Variants in MARCHF3 observed in about 807,000 individuals in gnomAD.
MARCHF3 encodes the protein E3 ubiquitin-protein ligase MARCHF3.
MARCHF3 carries 13 observed loss-of-function variants against 24.2 expected under a neutral mutation model. That is an observed-to-expected ratio of 0.54 (90% CI 0.35 to 0.85). The LOEUF (loss-of-function observed/expected upper bound fraction) is 0.85. Ranked by LOEUF, MARCHF3 falls within the 40% of genes least tolerant of loss-of-function variation. The probability of loss-of-function intolerance (pLI) is 0.01; values close to 1 mark genes in which losing one functional copy is unlikely to be tolerated. For missense variants in MARCHF3, 276 were observed against 325.0 expected, an observed-to-expected ratio of 0.85 and a Z score of 1.16; for synonymous variants, 144 against 137.3, an observed-to-expected ratio of 1.05 and a Z score of -0.34.
At chr5:126,927,878 C>A (rs1749347718) in intron 1 of MARCHF3, among the ~76,000 whole-genome samples, 1 of 151,956 alleles carries the variant, frequency 6.6e-6, no homozygotes, top group South Asian at 2.1e-4. Flanking sequence ...TTGATAGAAA[C>A]AAAAACAACT....
chr5:126,915,116 C>G lies in MARCHF3; in HGVS notation c.207G>C (p.Pro69=), dbSNP rs139927140. Residue 69 remains proline, a synonymous_variant, in exon 3 of 5, where the codon CCG becomes CCC. Transcript: ENST00000308660. ...LATQSPFNDR[P]MCRICHEGSS... is the part of the protein sequence containing the mutation. The stretch of plus-strand genomic sequence containing the variant: ...TGCCCTCGTGGCAGATCCTGCACAT[C>G]GGCCGGTCATTGAAGGGGCTGCAAG... The G allele has an allele frequency of 1.3e-5, 21 of 1,613,882 alleles. No homozygotes were observed. In the African/African-American group the frequency reaches 2.1e-4, roughly 16 times the overall value.
intron 1 of MARCHF3, among the ~76,000 whole-genome samples, chr5:126,918,990 G>A (rs1411860582): frequency 6.6e-6 from 1 of 152,180 alleles, no homozygotes; most frequent in Non-Finnish European, 1.5e-5. Context: ...TACCTAAAAT[G>A]CAGATGTATA....
intron 1 of MARCHF3, among the ~76,000 whole-genome samples, chr5:126,974,641 TC>T (rs1751134559): frequency 4.6e-5 from 7 of 152,244 alleles, no homozygotes; most frequent in Admixed American, 4.6e-4. Context: ...GCACTGTTTG[TC>T]AGATGAACTC....
intron 1 of MARCHF3, among the ~76,000 whole-genome samples, chr5:126,998,650 A>C (rs139283957): frequency 1.6e-4 from 24 of 152,322 alleles, no homozygotes; most frequent in African/African-American, 5.5e-4. Flanking sequence ...GGTAAGAAGG[A>C]GGCCACCTCA....
At chr5:126,974,840 T>A (rs1751141794) in intron 1 of MARCHF3, among the ~76,000 whole-genome samples, 1 of 152,268 alleles carries the variant, frequency 6.6e-6, no homozygotes, top group Non-Finnish European at 1.5e-5. Flanking sequence ...ATTAATTTTA[T>A]CTGTGACTTA....
intron 1 of MARCHF3, among the ~76,000 whole-genome samples, chr5:126,926,425 A>G (rs1046298856): frequency 6.6e-6 from 1 of 152,158 alleles, no homozygotes. Flanking sequence ...TACACACAAG[A>G]TAAGCAAGGT....
chr5:126,920,649 G>T (rs1272173288), intron 1 of MARCHF3, among the ~76,000 whole-genome samples: 1 of 152,090 alleles, frequency 6.6e-6, no homozygotes, highest in East Asian at 1.9e-4. Context: ...TAAATAATGG[G>T]ACCCAGGGCT....
chr5:126,953,163 G>A (rs1561444208), intron 1 of MARCHF3, among the ~76,000 whole-genome samples: 1 of 152,070 alleles, frequency 6.6e-6, no homozygotes, highest in Non-Finnish European at 1.5e-5. Flanking sequence ...TTTCCAGGCA[G>A]TTCTAATTGC....
chr5:126,878,911 T>C (rs1753260529), intron 3 of MARCHF3, among the ~76,000 whole-genome samples: 1 of 152,218 alleles, frequency 6.6e-6, no homozygotes, highest in African/African-American at 2.4e-5. Context: ...TAAGAGTATT[T>C]TGCATGCCAG....
intron 1 of MARCHF3, among the ~76,000 whole-genome samples, chr5:127,020,258 A>G (rs533801319): frequency 5.3e-5 from 8 of 152,352 alleles, no homozygotes; most frequent in Non-Finnish European, 1.0e-4. Flanking sequence ...GAGATCACAT[A>G]GGAGTATCAC....
In MARCHF3 at chr5:126,904,228, G is replaced by C. The variant is rs1328825397; in HGVS notation, c.393+10702C>G. Among the ~76,000 whole-genome samples the C allele has an allele frequency of 2.0e-5, 3 of 148,676 alleles. No individual in the cohort carries two copies. In the Admixed American group the frequency reaches 2.0e-4, roughly 10 times the overall value. On this transcript the variant is annotated intron_variant, in intron 3 of 4. Transcript: ENST00000308660. ...CAGTCTATCATTGTTGGACATTTGGGTTGGTTCCAAGTCTTTGCTATTGTG... is the reference window on the plus strand; with the variant it reads ...CAGTCTATCATTGTTGGACATTTGGCTTGGTTCCAAGTCTTTGCTATTGTG...
intron 1 of MARCHF3, chr5:126,946,358 C>T (rs1025734377): frequency 1.7e-5 from 2 of 115,140 alleles, no homozygotes; most frequent in African/African-American, 6.9e-5. Flanking sequence ...GGCCATAGAG[C>T]GAGATTCTGT....
At chr5:126,936,507 T>C (rs2126806984) in intron 1 of MARCHF3, among the ~76,000 whole-genome samples, 1 of 152,300 alleles carries the variant, frequency 6.6e-6, no homozygotes, top group South Asian at 2.1e-4. Flanking sequence ...TGGATAAATA[T>C]TTATGTTTGT....
intron 2 of MARCHF3, among the ~76,000 whole-genome samples, chr5:126,917,126 C>T (rs1580640063): frequency 6.6e-6 from 1 of 152,190 alleles, no homozygotes; most frequent in East Asian, 1.9e-4. Flanking sequence ...AATGACTGGT[C>T]CTATGTTAGA....
intron 1 of MARCHF3, among the ~76,000 whole-genome samples, chr5:126,974,160 G>C (rs1751115984): frequency 6.6e-6 from 1 of 151,852 alleles, no homozygotes; most frequent in African/African-American, 2.4e-5. Flanking sequence ...GCCTCCCAAA[G>C]TGCTGGGATT....
At chr5:126,911,937 T>C (rs1380437622) in intron 3 of MARCHF3, among the ~76,000 whole-genome samples, 3 of 152,218 alleles carry the variant, frequency 2.0e-5, no homozygotes, top group Admixed American at 2.0e-4. Context: ...GACCAAAAGA[T>C]GTCATGGAGA....
At chr5:126,989,347 T>C (rs1243884316) in intron 1 of MARCHF3, among the ~76,000 whole-genome samples, 6 of 150,876 alleles carry the variant, frequency 4.0e-5, no homozygotes, top group Admixed American at 3.3e-4. Context: ...CTAATAATAA[T>C]AATAATATTA....
chr5:127,006,487 G>C (rs1267286380), intron 1 of MARCHF3, among the ~76,000 whole-genome samples: 1 of 152,084 alleles, frequency 6.6e-6, no homozygotes, highest in Non-Finnish European at 1.5e-5. Context: ...CTTTAAAATA[G>C]TTGTTATTTT....
chr5:126,986,107 A>T (rs1330928384), intron 1 of MARCHF3, among the ~76,000 whole-genome samples: 3 of 152,228 alleles, frequency 2.0e-5, no homozygotes, highest in Non-Finnish European at 4.4e-5. Context: ...AGCATAGTGT[A>T]ACATATGCAA....
Sources: gnomAD v4.1 joint callset for allele counts (sites outside exome capture counted in the v4.1 genomes callset) on GRCh38, gnomAD v4.1.1 for gene constraint, MANE v1.5 for transcripts, NCBI Gene and HGNC (gene_info 2026-07-23, HGNC 2026-07-21) for gene names.